NOTCH2: variants seen among roughly 807,000 people sequenced by gnomAD.
NOTCH2 encodes notch receptor 2, also known as neurogenic locus notch homolog protein 2.
A neutral mutation model predicts 235.8 loss-of-function variants in NOTCH2; 29 were observed. The observed-to-expected ratio is 0.12, with a 90% CI of 0.09 to 0.17. The LOEUF is 0.17. Among genes scored for constraint, NOTCH2 ranks in the 10% least tolerant of loss-of-function variants. The pLI, the probability that NOTCH2 is intolerant of heterozygous loss-of-function variation, is 1.00. For synonymous variants in NOTCH2, 1,086 were observed against 1,141.5 expected, an observed-to-expected ratio of 0.95 and a Z score of 0.98; for missense variants, 2,285 against 3,150.2, an observed-to-expected ratio of 0.73 and a Z score of 6.57.
Position 119,913,906 on chromosome 1 carries a change from C to T in NOTCH2, c.*1400G>A. 1 of 233,078 alleles carries T rather than the reference C, an allele frequency of 4.3e-6. No individual in the cohort carries two copies. The highest frequency in any genetic ancestry group is 8.5e-6 in the Non-Finnish European group (1 of 117,940). The allele number at this position is 233,078 out of a possible 1,614,324, so 14.4% of individuals were successfully genotyped here. On this transcript the variant is annotated 3_prime_UTR_variant, in exon 34 of 34. Coordinates refer to ENST00000256646, the MANE Select transcript of NOTCH2 (RefSeq NM_024408.4). ...CTGTTTTGGATCATAGAAAACAAGT[C>T]CAACTTTCCAATTCCTGCACTTGAA...
At chr1:120,003,233 A>G (rs1256319315) in intron 3 of NOTCH2, among the ~76,000 whole-genome samples, 3 of 152,160 alleles carry the variant, frequency 2.0e-5, no homozygotes, top group Non-Finnish European at 4.4e-5. Flanking sequence ...GCCCTCAAAT[A>G]TCGAACCCCA....
chr1:120,039,471 C>T (rs1183170107), intron 1 of NOTCH2, among the ~76,000 whole-genome samples: 2 of 149,560 alleles, frequency 1.3e-5, no homozygotes, highest in African/African-American at 4.9e-5. Context: ...TGCAGTGGCG[C>T]AATCTCAGCT....
chr1:119,973,598 A>G (rs935544014), intron 5 of NOTCH2, among the ~76,000 whole-genome samples: 1 of 152,174 alleles, frequency 6.6e-6, no homozygotes. Context: ...AACACAATCT[A>G]CAGATGAGGT....
At chr1:119,943,029 C>A (rs782377941) in intron 17 of NOTCH2, among the ~76,000 whole-genome samples, 3 of 152,024 alleles carry the variant, frequency 2.0e-5, no homozygotes, top group Non-Finnish European at 4.4e-5. Context: ...CCTGCCACCA[C>A]GCCTGGCTAA....
At chr1:119,921,842 G>T in intron 28 of NOTCH2, 33 bp from the exon 29 acceptor site, 1 of 1,545,650 alleles carries the variant, frequency 6.5e-7, no homozygotes, top group South Asian at 1.1e-5. Flanking sequence ...AAATAAGAAT[G>T]GCAGTCATAA....
chr1:119,923,537 T>C, intron 26 of NOTCH2, 100 bp downstream of exon 26: 2 of 1,058,236 alleles, frequency 1.9e-6, no homozygotes, highest in Non-Finnish European at 2.9e-6. Context: ...TCTATTTTTC[T>C]GATCTTTGCA....
chr1:119,934,263 C>G (rs1553195484), intron 22 of NOTCH2, among the ~76,000 whole-genome samples: 1 of 152,224 alleles, frequency 6.6e-6, no homozygotes, highest in African/African-American at 2.4e-5. Flanking sequence ...GAGGCAGATG[C>G]TGGCACCGTG....
In NOTCH2 at chr1:119,929,207, G is replaced by C; in HGVS notation, c.3661C>G (p.Leu1221Val). 6.2e-7 allele frequency: 1 copy of C among 1,612,950 alleles called. No individual in the cohort carries two copies. The highest frequency in any genetic ancestry group is 1.1e-5 in the South Asian group (1 of 91,070). ...CSCPPGTRGL[L>V]CEENIDDCAR... ...CAGTCATCAATGTTCTCTTCACAGA[G>C]TAGGCCTGGAGGAAAGAGAAGAGGT... is the stretch of plus-strand genomic sequence containing the variant. Residue 1221 changes from leucine (L) to valine (V), a missense_variant, in exon 23 of 34, where the codon CTC becomes GTC. Leu to Val is a conservative substitution (Grantham distance 32, BLOSUM62 1). Coordinates refer to ENST00000256646, the MANE Select transcript of NOTCH2 (RefSeq NM_024408.4).
intron 10 of NOTCH2, 117 bp from the exon 11 acceptor site, chr1:119,963,924 GC>G: frequency 1.1e-6 from 1 of 895,040 alleles, no homozygotes; most frequent in Non-Finnish European, 1.8e-6. Context: ...AATTAATACT[GC>G]AGGTCTTGAG....
In NOTCH2 at chr1:119,948,916, C is replaced by T. The variant is rs1650358737; in HGVS notation, c.2599+91G>A. On this transcript the variant is annotated intron_variant, in intron 16 of 33. Coordinates refer to ENST00000256646, the MANE Select transcript of NOTCH2 (RefSeq NM_024408.4). The stretch of plus-strand genomic sequence containing the variant: ...GACAAGATGGACAGGCCTCATAAGA[C>T]CAGCAGGGCCTTCCATATGATCTGA... 5.3e-6 allele frequency: 8 copies of T among 1,515,748 alleles called. 1 individual carries two copies. In the South Asian group the frequency reaches 7.9e-5, roughly 15 times the overall value. The allele number at this position is 1,515,748 out of a possible 1,614,324, so 93.9% of individuals were successfully genotyped here.
intron 31 of NOTCH2, 113 bp downstream of exon 31, chr1:119,919,199 C>A: frequency 1.7e-6 from 2 of 1,199,852 alleles, no homozygotes; most frequent in Non-Finnish European, 2.4e-6. Context: ...AATACCTGCC[C>A]TAATCTCTCA....
At chr1:119,947,651 C>CT (rs1438268382) in intron 17 of NOTCH2, among the ~76,000 whole-genome samples, 1 of 152,152 alleles carries the variant, frequency 6.6e-6, no homozygotes, top group Non-Finnish European at 1.5e-5. Flanking sequence ...GATTCTACTC[C>CT]TAGGTATTTA....
At position 120,069,415 on chromosome 1, in the gene NOTCH2, T is replaced by C. The variant is rs781866598; in HGVS notation, c.-9A>G. 3.2e-6 allele frequency: 5 copies of C among 1,541,258 alleles called. No individual in the cohort carries two copies. Among genetic ancestry groups the C allele is most frequent in the Non-Finnish European group, 2.6e-6 (3 of 1,151,680 alleles). On this transcript the variant is annotated 5_prime_UTR_variant, in exon 1 of 34. Coordinates refer to ENST00000256646, the MANE Select transcript of NOTCH2 (RefSeq NM_024408.4). ...GGGCGCAGGGCGGGCATCTTCTCGG[T>C]CGCCTCCTCCTCCGCCGCCGCCGCC...
At chr1:119,968,271 G>T (rs368207125) in intron 6 of NOTCH2, 39 bp from the exon 7 acceptor site, 3 of 1,604,332 alleles carry the variant, frequency 1.9e-6, no homozygotes, top group African/African-American at 1.3e-5. Flanking sequence ...AAGAGAAAAT[G>T]TCTCTCACTT....
chr1:119,985,997 T>A (rs1224312058), intron 5 of NOTCH2, among the ~76,000 whole-genome samples: 6 of 152,134 alleles, frequency 3.9e-5, no homozygotes, highest in African/African-American at 1.4e-4. Flanking sequence ...GCTTTTCATC[T>A]TTTTCTATTC....
In NOTCH2 at chr1:119,915,093, C is replaced by G. The variant is rs1194450161; in HGVS notation, c.*213G>C. The G allele has an allele frequency of 1.7e-6, 1 of 597,654 alleles. No homozygotes were observed. The highest frequency in any genetic ancestry group is 1.9e-5 in the African/African-American group (1 of 54,006). 37.0% of individuals were successfully genotyped at this position (597,654 alleles called of 1,614,324 possible). ...TCATCTTGCATTTCCACAAACTTGT[C>G]TTATTAGATTAGAATAATCAATAAG... On this transcript the variant is annotated 3_prime_UTR_variant, in exon 34 of 34. Transcript: ENST00000256646.
chr1:119,950,942 C>T, intron 14 of NOTCH2, 105 bp from the exon 15 acceptor site: 1 of 778,904 alleles, frequency 1.3e-6, no homozygotes, highest in Non-Finnish European at 2.3e-6. Flanking sequence ...TCAGAAATTG[C>T]ATTCATTTCT....
At chr1:119,974,708 T>C (rs1165866137) in intron 5 of NOTCH2, among the ~76,000 whole-genome samples, 1 of 152,208 alleles carries the variant, frequency 6.6e-6, no homozygotes, top group Non-Finnish European at 1.5e-5. Context: ...TTTCCCTGCT[T>C]ATTCACATGG....
At chr1:119,964,946 C>T (rs1218202202) in intron 10 of NOTCH2, among the ~76,000 whole-genome samples, 1 of 152,198 alleles carries the variant, frequency 6.6e-6, no homozygotes, top group Non-Finnish European at 1.5e-5. Flanking sequence ...AAAGAGGACC[C>T]AAACTTTCCC....
Sources: gnomAD v4.1 joint callset for allele counts (sites outside exome capture counted in the v4.1 genomes callset) on GRCh38, gnomAD v4.1.1 for gene constraint, MANE v1.5 for transcripts, NCBI Gene and HGNC (gene_info 2026-07-23, HGNC 2026-07-21) for gene names.